DNAI1: variants seen among roughly 807,000 people sequenced by gnomAD.
DNAI1 encodes the protein dynein axonemal intermediate chain 1, also known as dynein, axonemal, intermediate polypeptide 1.
Under a neutral mutation model 92.0 loss-of-function variants are expected in DNAI1, and 67 were observed. That is an observed-to-expected ratio of 0.73 (90% CI 0.60 to 0.89). DNAI1 has a LOEUF of 0.89. Among genes scored for constraint, DNAI1 ranks in the 40% least tolerant of loss-of-function variants. The pLI is 0.00. For synonymous variants in DNAI1, 323 were observed against 319.6 expected, an observed-to-expected ratio of 1.01 and a Z score of -0.11; for missense variants, 839 against 866.6, an observed-to-expected ratio of 0.97 and a Z score of 0.40.
intron 10 of DNAI1, among the ~76,000 whole-genome samples, chr9:34,497,773 T>C (rs1027900550): frequency 1.3e-5 from 2 of 152,068 alleles, no homozygotes; most frequent in Non-Finnish European, 2.9e-5. Context: ...AAGCAGAGTG[T>C]GTGAGAGAAG....
chr9:34,512,106 CAGGT>C lies in DNAI1; in HGVS notation c.1312-2_1313del. ...CCAGAGCTCACATTTTGGGATGTTT[CAGGT>C]CAAGTGGCAGAAGGATGACATGGAC... On this transcript the variant is annotated splice_acceptor_variant and coding_sequence_variant, in exon 14 of 20. Transcript: ENST00000242317. LOFTEE classifies it high-confidence loss of function. 1 of 1,614,028 alleles carries C rather than the reference CAGGT, an allele frequency of 6.2e-7. No homozygotes were observed. The highest frequency in any genetic ancestry group is 8.5e-7 in the Non-Finnish European group (1 of 1,179,900).
At chr9:34,463,119 C>A (rs1224466398) in intron 1 of DNAI1, among the ~76,000 whole-genome samples, 1 of 151,922 alleles carries the variant, frequency 6.6e-6, no homozygotes, top group Non-Finnish European at 1.5e-5. Context: ...GAGCAAAGAC[C>A]TGAAGGAAAT....
intron 13 of DNAI1, among the ~76,000 whole-genome samples, chr9:34,509,217 C>T (rs1318894835): frequency 6.6e-6 from 1 of 152,014 alleles, no homozygotes. Flanking sequence ...GGAAGCAACA[C>T]CTGAGCTGGA....
At chr9:34,514,596 G>C (rs752340218) in intron 17 of DNAI1, 44 bp from the exon 18 acceptor site, 2 of 1,614,244 alleles carry the variant, frequency 1.2e-6, no homozygotes, top group Non-Finnish European at 1.7e-6. Flanking sequence ...CTATGGCACT[G>C]TGAGCCCTCT....
At chr9:34,517,225 C>T (rs2132086319) in intron 18 of DNAI1, 60 bp from the exon 19 acceptor site, 2 of 1,577,698 alleles carry the variant, frequency 1.3e-6, no homozygotes, top group East Asian at 2.3e-5. Flanking sequence ...GGACTCATTC[C>T]TCTGAGGTGG....
intron 13 of DNAI1, among the ~76,000 whole-genome samples, chr9:34,508,118 T>G (rs529087921): frequency 6.8e-4 from 104 of 152,368 alleles, no homozygotes; most frequent in African/African-American, 2.5e-3. Flanking sequence ...GCTCAAGGTC[T>G]CTGGGCTCAT....
At chr9:34,492,496 A>AGATATAGATATAGATATCTATATC (rs1564033875) in intron 8 of DNAI1, among the ~76,000 whole-genome samples, 3 of 22,980 alleles carry the variant, frequency 1.3e-4, no homozygotes, top group African/African-American at 3.2e-4. Flanking sequence ...ATATGAAGAT[A>AGATATAGATATAGATATCTATATC]TATATATATA....
Position 34,514,335 on chromosome 9 carries a change from G to A in DNAI1, c.1570-59G>A. On this transcript the variant is annotated intron_variant, in intron 16 of 19. Transcript: ENST00000242317. ...AAGGCTCTGATCCTCCAGACCCCCA[G>A]GGAAGTGGTGGCTGCTGACCTTTCT... 3 of 1,599,768 alleles carry A rather than the reference G, an allele frequency of 1.9e-6. No individual in the cohort carries two copies. In the South Asian group the frequency reaches 3.3e-5, roughly 18 times the overall value.
Position 34,512,211 on chromosome 9 carries a change from C to G in DNAI1, c.1401+13C>G, listed in dbSNP as rs762888827. The G allele has an allele frequency of 1.9e-6, 3 of 1,613,744 alleles. No homozygotes were observed. The South Asian group carries it at 3.3e-5, about 18-fold the overall frequency. On this transcript the variant is annotated intron_variant, in intron 14 of 19. Coordinates refer to ENST00000242317, the MANE Select transcript of DNAI1 (RefSeq NM_012144.4). ...GACTCTCGTGAAGGTGCCTATTTCC[C>G]AGAGAGGGTCACACTGGGGTGATTG...
intron 18 of DNAI1, among the ~76,000 whole-genome samples, chr9:34,516,708 G>GCTCAACAAATGGTAGCTGCTATT (rs1235789132): frequency 4.6e-5 from 7 of 151,460 alleles, no homozygotes; most frequent in Admixed American, 1.3e-4. Context: ...CATAGTGAGT[G>GCTCAACAAATGGTAGCTGCTATT]CTCAACAAAT....
rs529403507 is a variant in DNAI1, at chr9:34,489,334, T to C, written c.273T>C (p.Tyr91=). The C allele has an allele frequency of 3.7e-6, 6 of 1,613,990 alleles. No homozygotes were observed. The South Asian group carries it at 4.4e-5, about 12-fold the overall frequency. ...CCCTCTCTTCTTAGGAAGGCACATA[T>C]AAGCCTATTGGCTTTGTGAACCAAC... ...IVRYSFKEGT[Y]KPIGFVNQLA... Residue 91 remains tyrosine, a synonymous_variant, in exon 5 of 20, where the codon TAT becomes TAC. Transcript: ENST00000242317.
intron 1 of DNAI1, among the ~76,000 whole-genome samples, chr9:34,483,015 TCCC>T (rs1358683606): frequency 6.6e-6 from 1 of 152,092 alleles, no homozygotes; most frequent in African/African-American, 2.4e-5. Flanking sequence ...GGGTGCTAAG[TCCC>T]CCATTGCCCG....
At chr9:34,513,421 CT>C (rs1051256306) in intron 16 of DNAI1, among the ~76,000 whole-genome samples, 1 of 152,156 alleles carries the variant, frequency 6.6e-6, no homozygotes, top group African/African-American at 2.4e-5. Flanking sequence ...AGCTCAGCAT[CT>C]TTTCCTCCGG....
chr9:34,506,605 G>A, intron 12 of DNAI1, 22 bp from the exon 13 acceptor site: 1 of 1,614,048 alleles, frequency 6.2e-7, no homozygotes, highest in Non-Finnish European at 8.5e-7. Context: ...TCCAACCTCA[G>A]CCGCCCATCT....
intron 9 of DNAI1, among the ~76,000 whole-genome samples, chr9:34,493,868 T>TGTA (rs1824662650): frequency 6.6e-6 from 1 of 152,106 alleles, no homozygotes; most frequent in South Asian, 2.1e-4. Context: ...TGAAGAGCCA[T>TGTA]GTAGAAGTCA....
At chr9:34,459,215 CCTA>C (rs1823890885) in intron 1 of DNAI1, among the ~76,000 whole-genome samples, 162 bp downstream of exon 1, 3 of 152,078 alleles carry the variant, frequency 2.0e-5, no homozygotes, top group Non-Finnish European at 4.4e-5. Context: ...CTGACTCTGT[CCTA>C]CTCTTTCCCA....
At position 34,497,182 on chromosome 9, in the gene DNAI1, A is replaced by ATG; in HGVS notation, c.885_886dup (p.Asp296ValfsTer64). The ATG allele has an allele frequency of 1.2e-6, 2 of 1,613,926 alleles. No homozygotes were observed. Among genetic ancestry groups the ATG allele is most frequent in the Non-Finnish European group, 1.7e-6 (2 of 1,179,740 alleles). The stretch of plus-strand genomic sequence containing the variant: ...GAGCGGATGGTCAACCAGAATACAT[A>ATG]TGATGACATTGCTCAAGGTAAGAGT... On this transcript the variant is annotated frameshift_variant, in exon 10 of 20. Coordinates refer to ENST00000242317, the MANE Select transcript of DNAI1 (RefSeq NM_012144.4). LOFTEE classifies it high-confidence loss of function.
chr9:34,509,136 G>A (rs1015249896), intron 13 of DNAI1, among the ~76,000 whole-genome samples: 10 of 152,192 alleles, frequency 6.6e-5, no homozygotes, highest in Admixed American at 6.5e-4. Context: ...AAGTAGAAGT[G>A]CGCAAGGAGG....
chr9:34,459,147 C>A, intron 1 of DNAI1, 94 bp downstream of exon 1: 1 of 1,235,618 alleles, frequency 8.1e-7, no homozygotes, highest in Non-Finnish European at 1.2e-6. Context: ...TTGATCTTTT[C>A]TCTGTTGACC....
Sources: allele counts gnomAD v4.1 joint callset (sites outside exome capture counted in the v4.1 genomes callset), GRCh38; gene constraint gnomAD v4.1.1; transcripts MANE v1.5; gene names NCBI Gene and HGNC (gene_info 2026-07-23, HGNC 2026-07-21).